Variants in SYNPO2 observed in about 807,000 individuals in gnomAD.
The protein encoded by SYNPO2 is synaptopodin-2.
Under a neutral mutation model 85.0 loss-of-function variants are expected in SYNPO2, and 56 were observed. The observed-to-expected ratio is 0.66, with a 90% CI of 0.53 to 0.82. The LOEUF (loss-of-function observed/expected upper bound fraction) is 0.82. Ranked by LOEUF, SYNPO2 falls within the 40% of genes least tolerant of loss-of-function variation. The probability of loss-of-function intolerance (pLI) is 0.00; values close to 1 mark genes in which losing one functional copy is unlikely to be tolerated. For synonymous variants in SYNPO2, 602 were observed against 591.1 expected (o/e 1.02, Z -0.27); for missense variants, 1,575 against 1,534.2 (o/e 1.03, Z -0.44).
intron 1 of SYNPO2, among the ~76,000 whole-genome samples, chr4:118,875,305 A>G (rs2110574995): frequency 6.6e-6 from 1 of 152,214 alleles, no homozygotes; most frequent in East Asian, 1.9e-4. Flanking sequence ...TAACCATTTG[A>G]CATACTTTTT....
At chr4:119,044,600 A>G (rs62328674) in intron 4 of SYNPO2, among the ~76,000 whole-genome samples, 27,463 of 152,040 alleles carry the variant, frequency 0.18, 2,750 homozygotes, top group Middle Eastern at 0.3. Context: ...GCGTGATCTC[A>G]GCTCACTGCA....
intron 1 of SYNPO2, among the ~76,000 whole-genome samples, chr4:118,861,440 G>A (rs1731609882): frequency 6.6e-6 from 1 of 152,070 alleles, no homozygotes; most frequent in Non-Finnish European, 1.5e-5. Flanking sequence ...CAAAGTGCTG[G>A]GATTACAGTT....
chr4:119,019,744 A>G (rs1296864800), intron 1 of SYNPO2, among the ~76,000 whole-genome samples: 1 of 152,148 alleles, frequency 6.6e-6, no homozygotes, highest in Non-Finnish European at 1.5e-5. Context: ...AGCGTAACTC[A>G]TCTAGGTTTA....
chr4:118,889,355 T>C (rs1312456654), intron 1 of SYNPO2, among the ~76,000 whole-genome samples: 1 of 151,502 alleles, frequency 6.6e-6, no homozygotes, highest in African/African-American at 2.4e-5. Context: ...CGATGAGGGG[T>C]GGGTGGGAAG....
At chr4:118,960,695 A>T (rs1735048328) in intron 1 of SYNPO2, among the ~76,000 whole-genome samples, 1 of 152,048 alleles carries the variant, frequency 6.6e-6, no homozygotes, top group Non-Finnish European at 1.5e-5. Flanking sequence ...TTTAATTTCT[A>T]ACCCCTATGC....
chr4:118,913,456 T>C (rs1057510220), intron 1 of SYNPO2, among the ~76,000 whole-genome samples: 9 of 152,190 alleles, frequency 5.9e-5, no homozygotes, highest in Admixed American at 2.0e-4. Flanking sequence ...TCTGGTGTTA[T>C]AGTTTCAGTT....
At chr4:118,976,972 A>G (rs4563481) in intron 1 of SYNPO2, among the ~76,000 whole-genome samples, 128,777 of 152,230 alleles carry the variant, frequency 0.85, 54,610 homozygotes, top group Middle Eastern at 0.94. Context: ...AGACTCAGGA[A>G]CCCAGCTGGC....
chr4:119,050,235 G>C (rs2149199965), intron 4 of SYNPO2, among the ~76,000 whole-genome samples: 1 of 152,120 alleles, frequency 6.6e-6, no homozygotes, highest in East Asian at 1.9e-4. Flanking sequence ...AGGAGGCTGA[G>C]GCAGGAGAAT....
chr4:119,012,637 G>C (rs1737365761), intron 1 of SYNPO2, among the ~76,000 whole-genome samples: 1 of 152,110 alleles, frequency 6.6e-6, no homozygotes, highest in Admixed American at 6.5e-5. Flanking sequence ...TTATGAGTGA[G>C]AACATGTGGT....
intron 1 of SYNPO2, among the ~76,000 whole-genome samples, chr4:118,920,950 T>G (rs1459660906): frequency 1.3e-5 from 2 of 151,958 alleles, no homozygotes; most frequent in Admixed American, 6.6e-5. Flanking sequence ...TATGCTTGAG[T>G]GCAGTGGTGC....
chr4:118,930,665 A>G (rs531844543), intron 1 of SYNPO2, among the ~76,000 whole-genome samples: 1 of 151,652 alleles, frequency 6.6e-6, no homozygotes, highest in East Asian at 1.9e-4. Flanking sequence ...CTGTAATCCC[A>G]GCACTTTGGG....
chr4:118,926,687 G>C (rs1733722936), intron 1 of SYNPO2, among the ~76,000 whole-genome samples: 1 of 152,092 alleles, frequency 6.6e-6, no homozygotes, highest in African/African-American at 2.4e-5. Context: ...AAAAGAATAT[G>C]ATCAGTTAAA....
intron 1 of SYNPO2, among the ~76,000 whole-genome samples, chr4:118,906,243 G>C (rs10024754): frequency 1.1e-3 from 168 of 152,196 alleles, no homozygotes; most frequent in African/African-American, 3.9e-3. Flanking sequence ...CTTATATAAA[G>C]AGTAATTAGA....
At chr4:118,867,294 A>G (rs1434409031) in intron 1 of SYNPO2, among the ~76,000 whole-genome samples, 1 of 152,190 alleles carries the variant, frequency 6.6e-6, no homozygotes, top group African/African-American at 2.4e-5. Context: ...CTAAAAATAT[A>G]TATTGAACTT....
exon 1 of SYNPO2, chr4:118,850,777 G>A (rs368224515): frequency 2.5e-6 from 1 of 398,520 alleles, no homozygotes; most frequent in African/African-American, 2.1e-5. Context: ...ACTCGGAAGC[G>A]AAGCTCCAAT....
chr4:118,977,359 C>G (rs1051314051), intron 1 of SYNPO2, among the ~76,000 whole-genome samples: 14 of 152,362 alleles, frequency 9.2e-5, no homozygotes, highest in South Asian at 6.2e-4. Context: ...GGCCTGCCAA[C>G]CCCACGCCCA....
intron 1 of SYNPO2, among the ~76,000 whole-genome samples, chr4:118,932,327 G>A (rs767450747): frequency 1.1e-4 from 17 of 152,170 alleles, no homozygotes; most frequent in Non-Finnish European, 1.6e-4. Context: ...AAGATACCAG[G>A]TTAGAAAAAT....
At chr4:118,999,751 A>G (rs1736755609) in intron 1 of SYNPO2, among the ~76,000 whole-genome samples, 1 of 152,190 alleles carries the variant, frequency 6.6e-6, no homozygotes, top group Non-Finnish European at 1.5e-5. Context: ...TTTGCAGGAT[A>G]AATCATATTT....
rs1239569172 is a variant in SYNPO2 at position 119,027,028 on chromosome 4, G to A, written c.659G>A (p.Gly220Glu). Reference protein sequence around the residue: ...GASGPLVALPGAEKSKSPDPD... With the variant: ...GASGPLVALPEAEKSKSPDPD... ...AGTGGCCCTTTAGTGGCTCTCCCGG[G>A]AGCTGAAAAATCTAAGTCTCCTGAC... Residue 220 changes from glycine (G) to glutamate (E), a missense_variant, in exon 3 of 5, where the codon GGA becomes GAA. Physicochemically the swap from Gly to Glu is moderately conservative, Grantham distance 98 (BLOSUM62 -2). Transcript: ENST00000307142. The A allele has an allele frequency of 1.2e-6, 2 of 1,613,964 alleles. No homozygotes were observed. Among genetic ancestry groups the A allele is most frequent in the Non-Finnish European group, 8.5e-7 (1 of 1,180,034 alleles).
Sources: gnomAD v4.1 joint callset for allele counts (sites outside exome capture counted in the v4.1 genomes callset) on GRCh38, gnomAD v4.1.1 for gene constraint, MANE v1.5 for transcripts, NCBI Gene and HGNC (gene_info 2026-07-23, HGNC 2026-07-21) for gene names.